RBM20: variants seen among roughly 807,000 people sequenced by gnomAD.
RBM20 encodes the protein RNA binding motif protein 20.
In RBM20, 51 loss-of-function variants were observed where a neutral mutation model predicts 110.1. The ratio of observed to expected loss-of-function variants is 0.46; its 90% CI spans 0.37 to 0.59. RBM20 has a LOEUF of 0.59. Among genes scored for constraint, RBM20 ranks in the 20% least tolerant of loss-of-function variants. The pLI is 0.00. For missense variants in RBM20, 1,512 were observed against 1,574.9 expected (o/e 0.96, Z 0.68); for synonymous variants, 589 against 618.2 (o/e 0.95, Z 0.70).
intron 9 of RBM20, among the ~76,000 whole-genome samples, chr10:110,817,368 C>T (rs960722759): frequency 6.6e-6 from 1 of 152,166 alleles, no homozygotes; most frequent in Non-Finnish European, 1.5e-5. Flanking sequence ...CAGAGTGTAA[C>T]CCCTGGTATA....
intron 1 of RBM20, among the ~76,000 whole-genome samples, chr10:110,679,522 C>T (rs1862391241): frequency 1.3e-5 from 2 of 152,182 alleles, no homozygotes; most frequent in Non-Finnish European, 2.9e-5. Flanking sequence ...TGCCCAGCCT[C>T]TTCTTGTTAA....
chr10:110,705,232 T>C (rs1023125819), intron 1 of RBM20, among the ~76,000 whole-genome samples: 5 of 152,256 alleles, frequency 3.3e-5, no homozygotes, highest in African/African-American at 7.2e-5. Context: ...TTCACATTAC[T>C]GTCCTCTATA....
chr10:110,647,216 C>T (rs752822116), intron 1 of RBM20, among the ~76,000 whole-genome samples: 6 of 152,028 alleles, frequency 3.9e-5, no homozygotes, highest in South Asian at 2.1e-4. Context: ...AGAGAACTGC[C>T]GTATACTACA....
At chr10:110,649,941 A>C (rs959364012) in intron 1 of RBM20, among the ~76,000 whole-genome samples, 2 of 152,208 alleles carry the variant, frequency 1.3e-5, no homozygotes, top group African/African-American at 4.8e-5. Flanking sequence ...AATTAAGAAG[A>C]CATGTTTTTG....
At chr10:110,820,007 C>T (rs1330536224) in intron 9 of RBM20, 65 bp from the exon 10 acceptor site, 1 of 1,040,262 alleles carries the variant, frequency 9.6e-7, no homozygotes, top group East Asian at 2.7e-5. Flanking sequence ...CAATATCATT[C>T]TTTTTTTCTT....
chr10:110,761,226 G>T (rs1843998157), intron 1 of RBM20: 1 of 152,080 alleles, frequency 6.6e-6, no homozygotes, highest in Non-Finnish European at 1.5e-5. Flanking sequence ...GTACTTGCAT[G>T]GGAGAAGCTT....
At chr10:110,711,772 C>G (rs1862933219) in intron 1 of RBM20, among the ~76,000 whole-genome samples, 1 of 152,206 alleles carries the variant, frequency 6.6e-6, no homozygotes, top group African/African-American at 2.4e-5. Flanking sequence ...TGCTTAGTAT[C>G]ATCTGCGTAC....
At chr10:110,700,217 G>A (rs957001034) in intron 1 of RBM20, among the ~76,000 whole-genome samples, 3 of 152,050 alleles carry the variant, frequency 2.0e-5, no homozygotes, top group African/African-American at 7.2e-5. Context: ...TCCCATTTCT[G>A]TGTCTTTGTG....
At chr10:110,669,493 T>C (rs1027926344) in intron 1 of RBM20, among the ~76,000 whole-genome samples, 2 of 152,242 alleles carry the variant, frequency 1.3e-5, no homozygotes, top group Non-Finnish European at 2.9e-5. Context: ...CGTGATTGTA[T>C]GTGCCTTTCA....
intron 1 of RBM20, among the ~76,000 whole-genome samples, chr10:110,710,691 T>C (rs995961886): frequency 1.3e-5 from 2 of 152,230 alleles, no homozygotes; most frequent in Admixed American, 1.3e-4. Context: ...TTCCAAAGTT[T>C]TCTGTGCAGA....
intron 1 of RBM20, among the ~76,000 whole-genome samples, chr10:110,657,946 T>G (rs138540167): frequency 6.6e-6 from 1 of 152,256 alleles, no homozygotes; most frequent in South Asian, 2.1e-4. Flanking sequence ...GAATGGAGCA[T>G]GTTAATGTAA....
chr10:110,796,272 A>G (rs778055215), intron 5 of RBM20, among the ~76,000 whole-genome samples: 4 of 152,232 alleles, frequency 2.6e-5, no homozygotes, highest in Non-Finnish European at 4.4e-5. Context: ...ATGTGCTGAT[A>G]TTCTTTAAGC....
intron 1 of RBM20, among the ~76,000 whole-genome samples, chr10:110,720,574 C>T (rs1463455548): frequency 6.6e-6 from 1 of 152,182 alleles, no homozygotes; most frequent in Non-Finnish European, 1.5e-5. Flanking sequence ...CACTTCTCCA[C>T]CCCTCCTCTG....
At chr10:110,696,610 AG>A (rs1862667977) in intron 1 of RBM20, among the ~76,000 whole-genome samples, 1 of 152,174 alleles carries the variant, frequency 6.6e-6, no homozygotes, top group Non-Finnish European at 1.5e-5. Flanking sequence ...AGGAGCACCC[AG>A]ATGGGCCAAG....
chr10:110,828,853 T>G lies in RBM20; in HGVS notation c.3452-2208T>G, dbSNP rs146954999. On this transcript the variant is annotated intron_variant, in intron 12 of 13. Transcript: ENST00000369519. Reference sequence around the variant, plus strand: ...TTGTTTTTTGTTTGTTTGTTTGTTTTTTTGACAGTAGAAGTCTTTGTTCAA... The same window carrying G: ...TTGTTTTTTGTTTGTTTGTTTGTTTGTTTGACAGTAGAAGTCTTTGTTCAA... Among the ~76,000 whole-genome samples the G allele has an allele frequency of 6.1e-4, 93 of 152,334 alleles. No homozygotes were observed. In the East Asian group the frequency reaches 9.1e-3, roughly 15 times the overall value.
chr10:110,644,393 T>C lies in RBM20; in HGVS notation c.-62T>C. ...GGGGACCCCGGCCAGTGAGCGCCCG[T>C]GGCCCGGGACCGCCCCTCCCTTGAG... On this transcript the variant is annotated 5_prime_UTR_variant, in exon 1 of 14. Coordinates refer to ENST00000369519, the MANE Select transcript of RBM20 (RefSeq NM_001134363.3). The surrounding 1 kb of genome is among the most constrained non-coding windows in gnomAD (Gnocchi z 4.3). 7.5e-7 allele frequency: 1 copy of C among 1,324,934 alleles called. No individual in the cohort carries two copies. The highest frequency in any genetic ancestry group is 1.7e-5 in the South Asian group (1 of 57,166). The allele number at this position is 1,324,934 out of a possible 1,614,324, so 82.1% of individuals were successfully genotyped here. A position where few individuals can be genotyped will look rare whatever the true frequency, so the allele number is the denominator to read the frequency against.
chr10:110,658,135 A>G (rs1862050642), intron 1 of RBM20, among the ~76,000 whole-genome samples: 1 of 152,200 alleles, frequency 6.6e-6, no homozygotes, highest in Non-Finnish European at 1.5e-5. Flanking sequence ...GCAGAACTTC[A>G]AACTGAAAGA....
chr10:110,731,413 T>C (rs1271096272), intron 1 of RBM20, among the ~76,000 whole-genome samples: 1 of 152,248 alleles, frequency 6.6e-6, no homozygotes, highest in African/African-American at 2.4e-5. Flanking sequence ...AATTGTGTTT[T>C]GGATTTCCAC....
intron 1 of RBM20, among the ~76,000 whole-genome samples, chr10:110,703,391 G>C (rs1365290460): frequency 6.7e-6 from 1 of 149,204 alleles, no homozygotes; most frequent in Non-Finnish European, 1.5e-5. Flanking sequence ...AAAAAAAAAA[G>C]AAAGAAAGAA....
Sources: allele counts gnomAD v4.1 joint callset (sites outside exome capture counted in the v4.1 genomes callset), GRCh38; gene constraint gnomAD v4.1.1; non-coding constraint Gnocchi (gnomAD v3.1); transcripts MANE v1.5; gene names NCBI Gene and HGNC (gene_info 2026-07-23, HGNC 2026-07-21).